The following DCAF12 variants were observed in gnomAD, a reference collection of about 807,000 sequenced individuals.
The protein encoded by DCAF12 is DDB1- and CUL4-associated factor 12.
In DCAF12, 28 loss-of-function variants were observed where a neutral mutation model predicts 52.8. The ratio of observed to expected loss-of-function variants is 0.53; its 90% CI spans 0.39 to 0.73. The LOEUF is 0.73. Ranked by LOEUF, DCAF12 falls within the 30% of genes least tolerant of loss-of-function variation. The pLI, the probability that DCAF12 is intolerant of heterozygous loss-of-function variation, is 0.00. For synonymous variants in DCAF12, 196 were observed against 215.5 expected (o/e 0.91, Z 0.79); for missense variants, 425 against 552.2 (o/e 0.77, Z 2.31).
intron 5 of DCAF12, among the ~76,000 whole-genome samples, chr9:34,097,368 C>T (rs1029978037): frequency 2.0e-5 from 3 of 150,662 alleles, no homozygotes; most frequent in East Asian, 2.0e-4. Context: ...AGTTTTCCTG[C>T]CTCAGCCTCC....
intron 5 of DCAF12, among the ~76,000 whole-genome samples, chr9:34,097,408 C>A (rs1828752265): frequency 6.6e-6 from 1 of 151,802 alleles, no homozygotes; most frequent in Admixed American, 6.6e-5. Flanking sequence ...GCATATGCCA[C>A]CATGCCTGGC....
intron 4 of DCAF12, among the ~76,000 whole-genome samples, chr9:34,101,969 T>A (rs1828835897): frequency 6.7e-6 from 1 of 149,488 alleles, no homozygotes; most frequent in Non-Finnish European, 1.5e-5. Flanking sequence ...TGAGCTGAAA[T>A]TGTGCCACAG....
chr9:34,113,327 C>T (rs560918319), intron 2 of DCAF12, among the ~76,000 whole-genome samples: 31 of 152,270 alleles, frequency 2.0e-4, no homozygotes, highest in African/African-American at 6.5e-4. Context: ...GCTGGGATTA[C>T]AGGCATGGGC....
At chr9:34,106,637 A>AG in intron 3 of DCAF12, 143 bp from the exon 4 acceptor site, 2 of 636,358 alleles carry the variant, frequency 3.1e-6, no homozygotes, top group Non-Finnish European at 5.4e-6. Context: ...TGGTGGTCTC[A>AG]ACCCACAGAG....
At chr9:34,118,109 T>C (rs755447044) in intron 2 of DCAF12, among the ~76,000 whole-genome samples, 3 of 151,982 alleles carry the variant, frequency 2.0e-5, no homozygotes, top group African/African-American at 7.2e-5. Context: ...CTATAGAAGA[T>C]GGAAATTGAT....
chr9:34,125,411 C>G (rs1829233739), intron 1 of DCAF12, 134 bp from the exon 2 acceptor site: 1 of 1,037,614 alleles, frequency 9.6e-7, no homozygotes, highest in Admixed American at 2.6e-5. Flanking sequence ...CACAAGAGAA[C>G]AAGAATCTCA....
At chr9:34,102,362 TA>T (rs141836775) in intron 4 of DCAF12, among the ~76,000 whole-genome samples, 6 of 151,980 alleles carry the variant, frequency 3.9e-5, no homozygotes, top group African/African-American at 7.2e-5. Flanking sequence ...CAAACAATAA[TA>T]AAGCACTTAA....
At chr9:34,094,221 C>G (rs1212010902) in intron 6 of DCAF12, among the ~76,000 whole-genome samples, 3 of 151,840 alleles carry the variant, frequency 2.0e-5, no homozygotes, top group Admixed American at 2.0e-4. Flanking sequence ...GCTGGCCAAC[C>G]TGGTGAGATG....
intron 7 of DCAF12, among the ~76,000 whole-genome samples, chr9:34,090,275 G>C (rs1828623767): frequency 6.6e-6 from 1 of 152,014 alleles, no homozygotes. Flanking sequence ...TGTTGGCCAG[G>C]CTGGTCTTGA....
Position 34,086,527 on chromosome 9 carries a change from T to C in DCAF12, c.*1823A>G, listed in dbSNP as rs1157876638. 4 of 151,658 alleles carry C rather than the reference T, an allele frequency of 2.6e-5. No homozygotes were observed. Among genetic ancestry groups the C allele is most frequent in the Non-Finnish European group, 2.9e-5 (2 of 67,886 alleles). The allele number at this position is 151,658 out of a possible 1,614,324, so 9.4% of individuals were successfully genotyped here. A position where few individuals can be genotyped will look rare whatever the true frequency, so the allele number is the denominator to read the frequency against. ...TAGTACAAAACATCCTACTGAAGAT[T>C]TTTTTTTTAAATATACAAGTCAGTT... On this transcript the variant is annotated 3_prime_UTR_variant, in exon 9 of 9. Transcript: ENST00000361264.
rs1317999381 is a variant in DCAF12 at position 34,096,708 on chromosome 9, C to A, written c.861+8G>T. ...TTAGGTAAAACCACAAAATCATGTT[C>A]ATCACACCTTAGATAGTGTATTTTC... On this transcript the variant is annotated splice_region_variant and intron_variant, in intron 6 of 8. Transcript: ENST00000361264. 6.2e-7 allele frequency: 1 copy of A among 1,612,630 alleles called. No homozygotes were observed. The highest frequency in any genetic ancestry group is 1.7e-5 in the Admixed American group (1 of 59,904).
In DCAF12 at chr9:34,106,350, T is replaced by C. The variant is rs758889951; in HGVS notation, c.601+84A>G. On this transcript the variant is annotated intron_variant, in intron 4 of 8. Transcript: ENST00000361264. Reference sequence around the variant, plus strand: ...GAGTCACTGAGCCCGGCTGGGCTGTTTCCTATCACACTACTATCCCTTTTC... The same window carrying C: ...GAGTCACTGAGCCCGGCTGGGCTGTCTCCTATCACACTACTATCCCTTTTC... 5.0e-5 allele frequency: 62 copies of C among 1,240,776 alleles called. 1 individual carries two copies. The highest frequency in any genetic ancestry group is 6.1e-5 in the Admixed American group (3 of 48,846). 76.9% of individuals were successfully genotyped at this position (1,240,776 alleles called of 1,614,324 possible).
intron 1 of DCAF12, chr9:34,125,626 C>A (rs1427116812): frequency 4.2e-6 from 2 of 476,306 alleles, no homozygotes; most frequent in East Asian, 6.8e-5. Flanking sequence ...GCATCTCTAC[C>A]CAGCCCCCTT....
At chr9:34,120,669 CAAA>C (rs71506167) in intron 2 of DCAF12, among the ~76,000 whole-genome samples, 9 of 117,128 alleles carry the variant, frequency 7.7e-5, no homozygotes, top group Non-Finnish European at 6.9e-5. Flanking sequence ...GACGCGGTCT[CAAA>C]AAAAAAAAAA....
chr9:34,115,744 A>G (rs942287165), intron 2 of DCAF12, among the ~76,000 whole-genome samples: 12 of 152,076 alleles, frequency 7.9e-5, no homozygotes, highest in African/African-American at 2.9e-4. Flanking sequence ...ACTACTGTAC[A>G]TCTTTTTTAA....
intron 2 of DCAF12, among the ~76,000 whole-genome samples, chr9:34,123,456 A>C (rs1344782504): frequency 6.6e-6 from 1 of 152,196 alleles, no homozygotes; most frequent in Non-Finnish European, 1.5e-5. Context: ...CAAATAAGGG[A>C]ATCATTTGCC....
intron 6 of DCAF12, among the ~76,000 whole-genome samples, chr9:34,094,430 G>A (rs1298609187): frequency 6.6e-6 from 1 of 151,216 alleles, no homozygotes; most frequent in African/African-American, 2.4e-5. Flanking sequence ...AAAGACAAAT[G>A]ATTCACAGGT....
intron 2 of DCAF12, among the ~76,000 whole-genome samples, chr9:34,118,429 C>T (rs188932297): frequency 5.0e-4 from 76 of 152,244 alleles, no homozygotes; most frequent in East Asian, 1.4e-3. Context: ...CCACTGCCCC[C>T]GGCCTGAAAT....
chr9:34,115,017 A>G (rs1829062704), intron 2 of DCAF12, among the ~76,000 whole-genome samples: 2 of 152,156 alleles, frequency 1.3e-5, no homozygotes, highest in South Asian at 4.1e-4. Flanking sequence ...TAACCTTACA[A>G]TGTTTCTAAA....
Sources: allele counts gnomAD v4.1 joint callset (sites outside exome capture counted in the v4.1 genomes callset), GRCh38; gene constraint gnomAD v4.1.1; transcripts MANE v1.5; gene names NCBI Gene and HGNC (gene_info 2026-07-23, HGNC 2026-07-21).